The following LARP4 variants were observed in gnomAD, a reference collection of about 807,000 sequenced individuals.
LARP4 encodes La ribonucleoprotein 4, also known as la-related protein 4.
In LARP4, 29 loss-of-function variants were observed where a neutral mutation model predicts 92.9. The ratio of observed to expected loss-of-function variants is 0.31; its 90% CI spans 0.23 to 0.43. LARP4 has a LOEUF of 0.43. Among genes scored for constraint, LARP4 ranks in the 20% least tolerant of loss-of-function variants. The pLI is 1.00. For missense variants in LARP4, 732 were observed against 860.0 expected (o/e 0.85, Z 1.86); for synonymous variants, 279 against 284.1 (o/e 0.98, Z 0.18).
intron 10 of LARP4, among the ~76,000 whole-genome samples, chr12:50,460,543 C>T (rs552021038): frequency 5.9e-5 from 9 of 152,136 alleles, no homozygotes; most frequent in African/African-American, 1.7e-4. Flanking sequence ...CAGCTGGTGT[C>T]GAACCCCAGA....
intron 1 of LARP4, among the ~76,000 whole-genome samples, chr12:50,427,329 C>T (rs150753956): frequency 9.2e-5 from 14 of 152,158 alleles, no homozygotes; most frequent in African/African-American, 3.1e-4. Context: ...AATTTTGTGA[C>T]ATTTGCAGGT....
chr12:50,412,453 G>T, intron 1 of LARP4: 1 of 969,258 alleles, frequency 1.0e-6, no homozygotes, highest in Non-Finnish European at 1.2e-6. Context: ...ATAGTAAATA[G>T]GTAAGTAAAA....
At chr12:50,463,479 TC>T (rs1483160274) in intron 12 of LARP4, among the ~76,000 whole-genome samples, 2 of 149,152 alleles carry the variant, frequency 1.3e-5, no homozygotes, top group Admixed American at 1.3e-4. Context: ...ACGCCTGTTG[TC>T]CCAGCTACTT....
At position 50,479,089 on chromosome 12, in the gene LARP4, G is replaced by C. The variant is rs1161159823; in HGVS notation, c.*3225G>C. 2 of 152,698 alleles carry C rather than the reference G, an allele frequency of 1.3e-5. No individual in the cohort carries two copies. Among genetic ancestry groups the C allele is most frequent in the South Asian group, 4.1e-4 (2 of 4,830 alleles). The allele number at this position is 152,698 out of a possible 1,614,324, so 9.5% of individuals were successfully genotyped here. A position where few individuals can be genotyped will look rare whatever the true frequency, so the allele number is the denominator to read the frequency against. ...TCACTAGGGTAAAGAAGAACAAAAA[G>C]AATGTTGCTGGAACGTAAAATAGTA... On this transcript the variant is annotated 3_prime_UTR_variant, in exon 16 of 16. Transcript: ENST00000398473.
intron 1 of LARP4, among the ~76,000 whole-genome samples, chr12:50,422,831 A>ATTATTT (rs1209110362): frequency 8.4e-5 from 10 of 119,340 alleles, no homozygotes; most frequent in South Asian, 2.6e-4. Context: ...TATTATTATT[A>ATTATTT]TTTTTGAGAC....
At chr12:50,406,914 C>T (rs563987492) in intron 1 of LARP4, among the ~76,000 whole-genome samples, 34 of 152,200 alleles carry the variant, frequency 2.2e-4, no homozygotes, top group African/African-American at 6.3e-4. Context: ...GACGAGGTTT[C>T]GCCATGTTGG....
chr12:50,403,970 TCC>T (rs1944339232), intron 1 of LARP4, among the ~76,000 whole-genome samples: 3 of 152,158 alleles, frequency 2.0e-5, no homozygotes, highest in Non-Finnish European at 4.4e-5. Flanking sequence ...ATGCCTGTAA[TCC>T]CAGCACTTTG....
chr12:50,436,234 A>G (rs528350017), intron 5 of LARP4, among the ~76,000 whole-genome samples: 90 of 148,960 alleles, frequency 6.0e-4, no homozygotes, highest in Non-Finnish European at 8.6e-4. Context: ...GTGTGTGTGT[A>G]TATGTGTGTA....
chr12:50,416,677 C>T (rs1264755800), intron 1 of LARP4, among the ~76,000 whole-genome samples: 1 of 151,800 alleles, frequency 6.6e-6, no homozygotes, highest in Non-Finnish European at 1.5e-5. Flanking sequence ...GAGTGAGACC[C>T]CATCTCAAAA....
intron 12 of LARP4, 129 bp from the exon 13 acceptor site, chr12:50,466,830 G>T: frequency 1.4e-6 from 1 of 733,880 alleles, no homozygotes; most frequent in East Asian, 2.6e-5. Flanking sequence ...ATTTATGTAG[G>T]GATACAGTTC....
At chr12:50,410,937 A>G (rs1054190706) in intron 1 of LARP4, among the ~76,000 whole-genome samples, 1 of 152,134 alleles carries the variant, frequency 6.6e-6, no homozygotes, top group Non-Finnish European at 1.5e-5. Flanking sequence ...GAGTACCAGC[A>G]ATAATACTGA....
Position 50,429,007 on chromosome 12 carries a change from G to T in LARP4, c.239G>T (p.Arg80Ile), listed in dbSNP as rs779344035. 1.9e-6 allele frequency: 3 copies of T among 1,610,936 alleles called. No homozygotes were observed. ...VMYSSSCETT[R>I]NTTGIEESTD... The stretch of plus-strand genomic sequence containing the variant: ...TATTCTTCATCTTGTGAAACCACAA[G>T]AAATACTACAGGCATTGAAGAATCA... The change falls in exon 3 of 16, where the codon AGA (arginine) becomes ATA (isoleucine). Residue 80 changes from arginine (R) to isoleucine (I), a missense_variant. Physicochemically the swap from Arg to Ile is moderately conservative, Grantham distance 97. Around this residue, in one of 7 missense-constraint regions of LARP4, gnomAD observed 236 missense variants for 307.6 expected, o/e 0.77. Transcript: ENST00000398473.
At chr12:50,431,619 G>A (rs1325083078) in intron 4 of LARP4, among the ~76,000 whole-genome samples, 2 of 152,118 alleles carry the variant, frequency 1.3e-5, no homozygotes, top group Non-Finnish European at 2.9e-5. Context: ...GGGCAAGGTG[G>A]GCAGATCATG....
At chr12:50,423,897 G>C (rs181285085) in intron 1 of LARP4, among the ~76,000 whole-genome samples, 1 of 151,934 alleles carries the variant, frequency 6.6e-6, no homozygotes, top group African/African-American at 2.4e-5. Flanking sequence ...TGGGATTACA[G>C]GCGCCCGCCA....
rs541242525 is a variant in LARP4 at position 50,479,229 on chromosome 12, A to G, written c.*3365A>G. The G allele has an allele frequency of 1.4e-3, 216 of 152,724 alleles. 1 individual carries two copies. The highest frequency in any genetic ancestry group is 4.7e-3 in the African/African-American group (196 of 41,568). The allele number at this position is 152,724 out of a possible 1,614,324, so 9.5% of individuals were successfully genotyped here. A position where few individuals can be genotyped will look rare whatever the true frequency, so the allele number is the denominator to read the frequency against. ...ACACAGTTGAACAACACTGGGGTTA[A>G]GTCTCTGGTATTTAGGCTGGCAATA... On this transcript the variant is annotated 3_prime_UTR_variant, in exon 16 of 16. Coordinates refer to ENST00000398473, the MANE Select transcript of LARP4 (RefSeq NM_052879.5).
At chr12:50,421,991 A>G (rs1000677630) in intron 1 of LARP4, among the ~76,000 whole-genome samples, 15 of 147,490 alleles carry the variant, frequency 1.0e-4, no homozygotes, top group African/African-American at 3.5e-4. Context: ...TTTTTTTGAG[A>G]TGGAGTCTTG....
chr12:50,431,495 GTCTTC>G (rs1022308026), intron 4 of LARP4, among the ~76,000 whole-genome samples: 5 of 152,156 alleles, frequency 3.3e-5, no homozygotes, highest in Non-Finnish European at 7.3e-5. Flanking sequence ...TATTGCCAAT[GTCTTC>G]TCTTAAATAA....
chr12:50,434,898 A>G (rs79342600), intron 4 of LARP4, among the ~76,000 whole-genome samples: 1 of 152,046 alleles, frequency 6.6e-6, no homozygotes, highest in Non-Finnish European at 1.5e-5. Flanking sequence ...ACAAAAAAAA[A>G]TTAGCCGAGC....
rs1413333316 is a variant in LARP4 at position 50,479,230 on chromosome 12, GTC to G, written c.*3370_*3371del. On this transcript the variant is annotated 3_prime_UTR_variant, in exon 16 of 16. Transcript: ENST00000398473. Reference sequence around the variant, plus strand: ...CACAGTTGAACAACACTGGGGTTAAGTCTCTGGTATTTAGGCTGGCAATATAT... The same window carrying G: ...CACAGTTGAACAACACTGGGGTTAAGTCTGGTATTTAGGCTGGCAATATAT... 2 of 152,572 alleles carry G rather than the reference GTC, an allele frequency of 1.3e-5. No homozygotes were observed. The highest frequency in any genetic ancestry group is 6.6e-5 in the Admixed American group (1 of 15,266). 9.5% of individuals were successfully genotyped at this position (152,572 alleles called of 1,614,324 possible). A position where few individuals can be genotyped will look rare whatever the true frequency, so the allele number is the denominator to read the frequency against.
Sources: allele counts gnomAD v4.1 joint callset (sites outside exome capture counted in the v4.1 genomes callset), GRCh38; gene constraint gnomAD v4.1.1; regional missense constraint gnomAD v4.1.1; transcripts MANE v1.5; gene names NCBI Gene and HGNC (gene_info 2026-07-23, HGNC 2026-07-21).